The following MTF2 variants were observed in gnomAD, a reference collection of about 807,000 sequenced individuals.
MTF2 encodes metal response element binding transcription factor 2.
Under a neutral mutation model 79.5 loss-of-function variants are expected in MTF2, and 11 were observed. The ratio of observed to expected loss-of-function variants is 0.14; its 90% CI spans 0.09 to 0.23. The LOEUF (loss-of-function observed/expected upper bound fraction) is 0.23, where lower values mean the gene tolerates loss of function less well. Among genes scored for constraint, MTF2 ranks in the 10% least tolerant of loss-of-function variants. The pLI is 1.00. For missense variants in MTF2, 486 were observed against 711.2 expected (o/e 0.68, Z 3.60); for synonymous variants, 208 against 232.8 (o/e 0.89, Z 0.97).
At chr1:93,115,986 A>G (rs1656233373) in intron 6 of MTF2, among the ~76,000 whole-genome samples, 1 of 152,218 alleles carries the variant, frequency 6.6e-6, no homozygotes, top group Non-Finnish European at 1.5e-5. Context: ...TATAATTTAA[A>G]TGGGAGAGTA....
In MTF2 at chr1:93,137,224, T is replaced by G. The variant is rs1647439499; in HGVS notation, c.*197T>G. 1 of 453,650 alleles carries G rather than the reference T, an allele frequency of 2.2e-6. No homozygotes were observed. Among genetic ancestry groups the G allele is most frequent in the African/African-American group, 2.0e-5 (1 of 51,160 alleles). The allele number at this position is 453,650 out of a possible 1,614,324, so 28.1% of individuals were successfully genotyped here. A position where few individuals can be genotyped will look rare whatever the true frequency, so the allele number is the denominator to read the frequency against. On this transcript the variant is annotated 3_prime_UTR_variant, in exon 15 of 15. Coordinates refer to ENST00000370298, the MANE Select transcript of MTF2 (RefSeq NM_007358.4). ...GTCATAAAAAGGTATCTTTTAAAAA[T>G]CAGAACAGAGACTTAATTTTTTAAA...
intron 1 of MTF2, among the ~76,000 whole-genome samples, chr1:93,101,553 A>T (rs1226679475): frequency 1.1e-5 from 1 of 94,774 alleles, no homozygotes; most frequent in East Asian, 3.4e-4. Flanking sequence ...TGGTCTTGCC[A>T]TGTTGCTCAG....
chr1:93,108,464 A>G (rs1229527671), intron 1 of MTF2, among the ~76,000 whole-genome samples: 3 of 152,148 alleles, frequency 2.0e-5, no homozygotes, highest in African/African-American at 7.2e-5. Flanking sequence ...TGGTGACAGC[A>G]CCCACTCCCT....
chr1:93,138,556 G>C lies in MTF2; in HGVS notation c.*1529G>C, dbSNP rs924682013. ...GATGATCCTTTCTTGTCACATTATA[G>C]CCAAAAGAAGCAGAGAACTTCATTG... On this transcript the variant is annotated 3_prime_UTR_variant, in exon 15 of 15. Coordinates refer to ENST00000370298, the MANE Select transcript of MTF2 (RefSeq NM_007358.4). 2 of 152,134 alleles carry C rather than the reference G, an allele frequency of 1.3e-5. No individual in the cohort carries two copies. Among genetic ancestry groups the C allele is most frequent in the Non-Finnish European group, 2.9e-5 (2 of 68,006 alleles). The allele number at this position is 152,134 out of a possible 1,614,324, so 9.4% of individuals were successfully genotyped here.
At chr1:93,119,174 C>T (rs528158588) in intron 7 of MTF2, among the ~76,000 whole-genome samples, 159 bp from the exon 8 acceptor site, 1 of 152,162 alleles carries the variant, frequency 6.6e-6, no homozygotes, top group Non-Finnish European at 1.5e-5. Context: ...AAAGAACTTC[C>T]TTCAATCACA....
At chr1:93,106,744 C>T (rs1345459027) in intron 1 of MTF2, among the ~76,000 whole-genome samples, 1 of 152,150 alleles carries the variant, frequency 6.6e-6, no homozygotes, top group Non-Finnish European at 1.5e-5. Flanking sequence ...TGGTCTTGAA[C>T]TCCCAGCCTC....
At chr1:93,083,891 TA>T (rs1469412968) in intron 1 of MTF2, among the ~76,000 whole-genome samples, 2 of 152,210 alleles carry the variant, frequency 1.3e-5, no homozygotes, top group African/African-American at 4.8e-5. Flanking sequence ...ACTGTCTATT[TA>T]AGTCTTTTGC....
At position 93,079,321 on chromosome 1, in the gene MTF2, A is replaced by T. The variant is rs1453089947; in HGVS notation, c.-206A>T. On this transcript the variant is annotated 5_prime_UTR_variant, in exon 1 of 15. It adds an upstream start codon to the 5' untranslated region. Coordinates refer to ENST00000370298, the MANE Select transcript of MTF2 (RefSeq NM_007358.4). ...CCAAAATGGCGAGGGGCTGTATTGA[A>T]GTGGGCTGTGTTTGAGGCCGGTGTA... 3.2e-6 allele frequency: 2 copies of T among 617,552 alleles called. No individual in the cohort carries two copies. The highest frequency in any genetic ancestry group is 1.8e-5 in the African/African-American group (1 of 54,326). 38.3% of individuals were successfully genotyped at this position (617,552 alleles called of 1,614,324 possible). A position where few individuals can be genotyped will look rare whatever the true frequency, so the allele number is the denominator to read the frequency against.
intron 10 of MTF2, among the ~76,000 whole-genome samples, chr1:93,127,755 ATAAT>A (rs1009123488): frequency 4.6e-5 from 7 of 152,190 alleles, no homozygotes; most frequent in African/African-American, 1.7e-4. Flanking sequence ...GTAGTCTAAG[ATAAT>A]TAAGTGATAT....
At chr1:93,125,334 AAC>A (rs574138058) in intron 9 of MTF2, among the ~76,000 whole-genome samples, 191 of 150,772 alleles carry the variant, frequency 1.3e-3, no homozygotes, top group Non-Finnish European at 2.3e-3. Context: ...ATGGTTAGCA[AAC>A]ACTGGTTTGG....
intron 1 of MTF2, among the ~76,000 whole-genome samples, chr1:93,089,452 G>T: frequency 6.6e-6 from 1 of 152,128 alleles, no homozygotes; most frequent in Admixed American, 6.5e-5. Flanking sequence ...TTCCAGTGAT[G>T]AGCAAAATGT....
At chr1:93,088,502 A>G (rs1654939209) in intron 1 of MTF2, among the ~76,000 whole-genome samples, 1 of 152,206 alleles carries the variant, frequency 6.6e-6, no homozygotes, top group Non-Finnish European at 1.5e-5. Context: ...GAAATCTATT[A>G]CTGTTTCTAA....
intron 1 of MTF2, among the ~76,000 whole-genome samples, chr1:93,109,178 G>A (rs2101055238): frequency 6.6e-6 from 1 of 152,232 alleles, no homozygotes; most frequent in African/African-American, 2.4e-5. Flanking sequence ...ATTTGGAAAA[G>A]TGAAACCAAA....
intron 1 of MTF2, among the ~76,000 whole-genome samples, chr1:93,101,497 G>A (rs1167686161): frequency 1.5e-5 from 2 of 135,566 alleles, no homozygotes; most frequent in African/African-American, 5.5e-5. Context: ...CTGCAGCTAT[G>A]TGCCATCACA....
intron 1 of MTF2, among the ~76,000 whole-genome samples, chr1:93,092,107 G>GT (rs894909775): frequency 1.5e-4 from 23 of 151,774 alleles, no homozygotes. Context: ...TATATGTTTG[G>GT]TTTTTCTTCT....
At chr1:93,096,638 T>C (rs1050728310) in intron 1 of MTF2, among the ~76,000 whole-genome samples, 1 of 151,922 alleles carries the variant, frequency 6.6e-6, no homozygotes, top group Non-Finnish European at 1.5e-5. Flanking sequence ...TTTTTTTTCT[T>C]TTCTATTATA....
intron 6 of MTF2, among the ~76,000 whole-genome samples, chr1:93,118,056 A>G (rs1054221656): frequency 4.6e-5 from 7 of 152,174 alleles, no homozygotes; most frequent in Non-Finnish European, 8.8e-5. Context: ...GTGTTTTAAC[A>G]GAGCTCATTT....
At position 93,137,947 on chromosome 1, in the gene MTF2, G is replaced by C. The variant is rs568528893; in HGVS notation, c.*920G>C. On this transcript the variant is annotated 3_prime_UTR_variant, in exon 15 of 15. Transcript: ENST00000370298. ...ATAATATGAACATTATCTCCTACTA[G>C]AAGTAACGTTTTCAAGTTTTCATGG... 1.3e-5 allele frequency: 2 copies of C among 152,256 alleles called. No individual in the cohort carries two copies. The highest frequency in any genetic ancestry group is 1.9e-4 in the East Asian group (1 of 5,188). The allele number at this position is 152,256 out of a possible 1,614,324, so 9.4% of individuals were successfully genotyped here.
chr1:93,104,633 C>T lies in MTF2; in HGVS notation c.6-5597C>T, dbSNP rs1457074967. ...GGTGGAGGTTGCAGTGAGCTGGGAT[C>T]GTGCCACTGTACTCCAGCCTGGTGA... On this transcript the variant is annotated intron_variant, in intron 1 of 14. Transcript: ENST00000370298. Among the ~76,000 whole-genome samples, 13 of 142,176 alleles carry T rather than the reference C, an allele frequency of 9.1e-5. No homozygotes were observed. The South Asian group carries it at 1.8e-3, about 19-fold the overall frequency. The allele number at this position is 142,176 out of a possible 152,430, so 93.3% of individuals were successfully genotyped here.
Sources: allele counts gnomAD v4.1 joint callset (sites outside exome capture counted in the v4.1 genomes callset), GRCh38; gene constraint gnomAD v4.1.1; transcripts MANE v1.5; gene names NCBI Gene and HGNC (gene_info 2026-07-23, HGNC 2026-07-21).